The following ASIC2 variants were observed in gnomAD, a reference collection of about 807,000 sequenced individuals.
ASIC2 encodes the protein acid sensing ion channel subunit 2.
Under a neutral mutation model 57.3 loss-of-function variants are expected in ASIC2, and 25 were observed. The ratio of observed to expected loss-of-function variants is 0.44; its 90% CI spans 0.32 to 0.61. The LOEUF (loss-of-function observed/expected upper bound fraction) is 0.61. Ranked by LOEUF, ASIC2 falls within the 20% of genes least tolerant of loss-of-function variation. The probability of loss-of-function intolerance (pLI) is 0.06; values close to 1 mark genes in which losing one functional copy is unlikely to be tolerated. For missense variants in ASIC2, 641 were observed against 738.1 expected (o/e 0.87, Z 1.52); for synonymous variants, 319 against 307.5 (o/e 1.04, Z -0.39).
At chr17:34,136,940 T>C (rs1366740673) in intron 1 of ASIC2, among the ~76,000 whole-genome samples, 1 of 152,206 alleles carries the variant, frequency 6.6e-6, no homozygotes, top group Non-Finnish European at 1.5e-5. Context: ...TGTAACTTCA[T>C]TGGCACATTT....
chr17:33,231,935 C>T (rs144693624), intron 1 of ASIC2, among the ~76,000 whole-genome samples: 1 of 152,170 alleles, frequency 6.6e-6, no homozygotes, highest in African/African-American at 2.4e-5. Flanking sequence ...TTTTATCCAA[C>T]AAATATTTAT....
intron 1 of ASIC2, among the ~76,000 whole-genome samples, chr17:34,126,461 A>C (rs541349900): frequency 1.3e-5 from 2 of 152,156 alleles, no homozygotes; most frequent in Non-Finnish European, 2.9e-5. Flanking sequence ...CCTTTCCTGC[A>C]TGGGGCTGTT....
At chr17:33,573,444 A>G (rs759496670) in intron 1 of ASIC2, among the ~76,000 whole-genome samples, 2 of 152,222 alleles carry the variant, frequency 1.3e-5, no homozygotes, top group African/African-American at 4.8e-5. Context: ...TTCCCTCCTC[A>G]GAGATAACCA....
intron 1 of ASIC2, among the ~76,000 whole-genome samples, chr17:33,596,848 G>A (rs931199495): frequency 6.6e-5 from 10 of 152,148 alleles, no homozygotes; most frequent in Admixed American, 2.0e-4. Context: ...TCCTGGGCAG[G>A]GCCAGAGCGG....
At chr17:33,719,207 C>T (rs1187258084) in intron 1 of ASIC2, among the ~76,000 whole-genome samples, 1 of 152,206 alleles carries the variant, frequency 6.6e-6, no homozygotes, top group East Asian at 1.9e-4. Context: ...GCCCTCATGC[C>T]TTCAGTTCGC....
intron 1 of ASIC2, among the ~76,000 whole-genome samples, chr17:33,588,253 A>G (rs989587227): frequency 2.0e-5 from 3 of 152,184 alleles, no homozygotes; most frequent in Non-Finnish European, 1.5e-5. Context: ...GAGCAGGGAG[A>G]ATGTTATCAT....
intron 1 of ASIC2, among the ~76,000 whole-genome samples, chr17:33,876,920 T>C (rs1914561011): frequency 6.6e-6 from 1 of 152,202 alleles, no homozygotes; most frequent in Non-Finnish European, 1.5e-5. Flanking sequence ...TCAGGTTACT[T>C]TTGCTTTCCT....
intron 3 of ASIC2, among the ~76,000 whole-genome samples, chr17:33,058,078 T>C (rs2092005123): frequency 6.6e-6 from 1 of 152,224 alleles, no homozygotes; most frequent in African/African-American, 2.4e-5. Context: ...ATGCCCTCTG[T>C]ATAGCCATGA....
intron 1 of ASIC2, among the ~76,000 whole-genome samples, chr17:33,759,678 G>A (rs1160717379): frequency 9.2e-5 from 14 of 152,172 alleles, no homozygotes; most frequent in Admixed American, 9.2e-4. Context: ...TTGCTGCTCA[G>A]AGTCACCTCA....
chr17:33,489,074 A>G (rs1030467136), intron 1 of ASIC2, among the ~76,000 whole-genome samples: 4 of 152,110 alleles, frequency 2.6e-5, no homozygotes, highest in African/African-American at 9.7e-5. Flanking sequence ...ACCACATACC[A>G]TTCCTGATGG....
chr17:33,227,137 G>C (rs982903997), intron 1 of ASIC2, among the ~76,000 whole-genome samples: 1 of 152,174 alleles, frequency 6.6e-6, no homozygotes, highest in African/African-American at 2.4e-5. Context: ...TTGGCAGCGA[G>C]GCCCAAGGCC....
rs1910781159 is a variant in ASIC2 at position 34,099,771 on chromosome 17, AAAG to A, written c.555+56204_555+56206del. ...GAAAGAAAGAAAGAAAGAAAGAAAG[AAAG>A]AAAGAAAGAAAGAAAGAAAGAAAGA... On this transcript the variant is annotated intron_variant, in intron 1 of 9. Transcript: ENST00000359872. Among the ~76,000 whole-genome samples the A allele has an allele frequency of 6.5e-4, 28 of 43,164 alleles. 1 individual carries two copies. Among genetic ancestry groups the A allele is most frequent in the South Asian group, 2.7e-3 (3 of 1,114 alleles). The allele number at this position is 43,164 out of a possible 152,430, so 28.3% of individuals were successfully genotyped here.
In ASIC2 at chr17:33,674,019, G is replaced by A. The variant is rs147165944; in HGVS notation, c.555+481959C>T. 1.4e-4 allele frequency among the ~76,000 whole-genome samples: 21 copies of A among 151,992 alleles called. No individual in the cohort carries two copies. In the East Asian group the frequency reaches 3.9e-3, roughly 28 times the overall value. ...AGCGATTTCCCTGCCTCAGCCTCCT[G>A]AGTAGCTGGGGCTATAGGCACATGC... On this transcript the variant is annotated intron_variant, in intron 1 of 9. Coordinates refer to the ASIC2 transcript ENST00000359872.
At chr17:34,044,181 T>G (rs552515558) in intron 1 of ASIC2, among the ~76,000 whole-genome samples, 2 of 151,246 alleles carry the variant, frequency 1.3e-5, no homozygotes, top group East Asian at 3.9e-4. Flanking sequence ...CAGCAGCCAA[T>G]CCCTTTGGAA....
intron 1 of ASIC2, among the ~76,000 whole-genome samples, chr17:33,654,145 GC>G (rs1907006941): frequency 6.6e-6 from 1 of 152,192 alleles, no homozygotes; most frequent in Non-Finnish European, 1.5e-5. Flanking sequence ...AAAGTAAGGT[GC>G]TGTCTGGCTA....
chr17:33,222,944 G>A (rs1447297588), intron 1 of ASIC2, among the ~76,000 whole-genome samples: 1 of 152,016 alleles, frequency 6.6e-6, no homozygotes, highest in Non-Finnish European at 1.5e-5. Flanking sequence ...ATTCTAACCA[G>A]AAGCCCAGTT....
chr17:33,945,251 G>A (rs2141981362), intron 1 of ASIC2, among the ~76,000 whole-genome samples: 1 of 152,146 alleles, frequency 6.6e-6, no homozygotes, highest in East Asian at 1.9e-4. Flanking sequence ...TCTGCCAGAG[G>A]AGTGACATGG....
chr17:34,110,854 G>A (rs561033380), intron 1 of ASIC2, among the ~76,000 whole-genome samples: 93 of 152,162 alleles, frequency 6.1e-4, no homozygotes, highest in South Asian at 3.9e-3. Flanking sequence ...CTCATTTTTT[G>A]TGATCATATC....
rs866018121 is a variant in ASIC2, at chr17:34,037,860, T to C, written c.555+118118A>G. The stretch of plus-strand genomic sequence containing the variant: ...ACTTCAGTAGCTTTAAGAATCGTAT[T>C]CTCTTGTAGGATGTCTTGCTGAGAC... On this transcript the variant is annotated intron_variant, in intron 1 of 9. Transcript: ENST00000359872. The C allele has an allele frequency of 6.8e-5, 109 of 1,613,794 alleles. No homozygotes were observed. The African/African-American group carries it at 1.3e-3, about 19-fold the overall frequency.
Sources: allele counts gnomAD v4.1 joint callset (sites outside exome capture counted in the v4.1 genomes callset), GRCh38; gene constraint gnomAD v4.1.1; transcripts MANE v1.5; gene names NCBI Gene and HGNC (gene_info 2026-07-23, HGNC 2026-07-21).